Variants in BCL2L12 observed in about 807,000 individuals in gnomAD.
BCL2L12 encodes the protein BCL2 like 12.
Under a neutral mutation model 25.7 loss-of-function variants are expected in BCL2L12, and 27 were observed. The ratio of observed to expected loss-of-function variants is 1.05; its 90% CI spans 0.78 to 1.45. The LOEUF (loss-of-function observed/expected upper bound fraction) is 1.45, where lower values mean the gene tolerates loss of function less well. BCL2L12 is among the 40% of genes most tolerant of loss of function. BCL2L12 has a pLI of 0.00. For synonymous variants in BCL2L12, 132 were observed against 145.6 expected, an observed-to-expected ratio of 0.91 and a Z score of 0.67; for missense variants, 302 against 329.8, an observed-to-expected ratio of 0.92 and a Z score of 0.65.
chr19:49,668,988 G>T (rs770474832), intron 4 of BCL2L12, 36 bp from the exon 5 acceptor site: 1 of 1,613,916 alleles, frequency 6.2e-7, no homozygotes, highest in East Asian at 2.2e-5. Context: ...GGATAGTCAG[G>T]GTTCTGCCCC....
chr19:49,665,299 G>A (rs2081628040), upstream of BCL2L12: 2 of 173,968 alleles, frequency 1.1e-5, no homozygotes, highest in South Asian at 2.5e-4. Flanking sequence ...TTCCAACACA[G>A]AACTTCCATT....
At chr19:49,668,725 A>C in intron 3 of BCL2L12, 126 bp from the exon 4 acceptor site, 4 of 990,546 alleles carry the variant, frequency 4.0e-6, no homozygotes, top group Non-Finnish European at 4.4e-6. Context: ...GTTTCCCAAA[A>C]TCAATACATA....
At chr19:49,665,713 C>A, upstream of BCL2L12, 1 of 1,409,032 alleles carries the variant, frequency 7.1e-7, no homozygotes, top group Non-Finnish European at 9.5e-7. Context: ...CTCGAGGCTG[C>A]GCACCCCCTT....
intron 6 of BCL2L12, among the ~76,000 whole-genome samples, chr19:49,673,486 C>T (rs8105720): frequency 0.037 from 5,574 of 152,162 alleles, 261 homozygotes; most frequent in Admixed American, 0.11. Context: ...TGACCCTCCT[C>T]GAGCTCAACC....
chr19:49,670,231 G>GCCCTGC lies in BCL2L12; in HGVS notation c.446_451dup (p.Leu150_Arg151insProLeu), dbSNP rs1555765459. On this transcript the variant is annotated inframe_insertion, in exon 6 of 7. Transcript: ENST00000246784. The stretch of plus-strand genomic sequence containing the variant: ...CACCCTACAGCTGGCCTCGGACCCC[G>GCCCTGC]CCCTGCGCAGCAAGCTGGTCCGCCT... The GCCCTGC allele has an allele frequency of 6.2e-7, 1 of 1,606,690 alleles. No individual in the cohort carries two copies. Among genetic ancestry groups the GCCCTGC allele is most frequent in the African/African-American group, 1.3e-5 (1 of 74,822 alleles).
intron 5 of BCL2L12, 49 bp from the exon 6 acceptor site, chr19:49,670,167 T>C (rs1568478313): frequency 6.3e-7 from 1 of 1,577,646 alleles, no homozygotes; most frequent in Non-Finnish European, 8.5e-7. Flanking sequence ...CTCTATTGGC[T>C]GGCCCCGGGG....
chr19:49,670,352 C>A lies in BCL2L12; in HGVS notation c.566C>A (p.Ser189Tyr). 6.3e-7 allele frequency: 1 copy of A among 1,594,474 alleles called. No individual in the cohort carries two copies. Among genetic ancestry groups the A allele is most frequent in the Non-Finnish European group, 8.5e-7 (1 of 1,172,176 alleles). Residue 189 changes from serine to tyrosine, a missense_variant, in exon 6 of 7, where the codon TCC (serine) becomes TAC (tyrosine). Coordinates refer to ENST00000246784, the MANE Select transcript of BCL2L12 (RefSeq NM_138639.2). ...SRACPGPPPP[S>Y]PEPLARLALA... The stretch of plus-strand genomic sequence containing the variant: ...GCATGCCCCGGGCCCCCGCCTCCTT[C>A]CCCGGAGCCCCTGGCCCGCCTGGCC...
chr19:49,670,161 A>G (rs1450001298), intron 5 of BCL2L12, 55 bp from the exon 6 acceptor site: 10 of 1,574,212 alleles, frequency 6.4e-6, no homozygotes, highest in Middle Eastern at 1.7e-4. Context: ...CCGGCCCTCT[A>G]TTGGCTGGCC....
upstream of BCL2L12, chr19:49,665,916 T>G (rs2081719791): frequency 1.2e-6 from 2 of 1,613,696 alleles, no homozygotes; most frequent in South Asian, 1.1e-5. Context: ...AAATTGAGCG[T>G]GCACCCAGCG....
intron 6 of BCL2L12, 100 bp downstream of exon 6, chr19:49,670,588 A>G: frequency 6.9e-7 from 1 of 1,442,928 alleles, no homozygotes; most frequent in Non-Finnish European, 9.2e-7. Context: ...GACCTCAGGT[A>G]TTCTCCCAGC....
Position 49,672,365 on chromosome 19 carries a change from C to T in BCL2L12, c.703-1333C>T, listed in dbSNP as rs578014238. 1.6e-3 allele frequency among the ~76,000 whole-genome samples: 246 copies of T among 152,204 alleles called. No homozygotes were observed. The highest frequency in any genetic ancestry group is 5.6e-3 in the African/African-American group (232 of 41,516). On this transcript the variant is annotated intron_variant, in intron 6 of 6. Coordinates refer to ENST00000246784, the MANE Select transcript of BCL2L12 (RefSeq NM_138639.2). The surrounding 1 kb of genome is among the most constrained non-coding windows in gnomAD (Gnocchi z 4.1). ...GCCAGTAGGGCTACAGTAGGGTGAG[C>T]GGGCGACAGATGAGAGGAGGAGAGG...
intron 5 of BCL2L12, among the ~76,000 whole-genome samples, chr19:49,669,821 C>T (rs964346701): frequency 6.6e-6 from 1 of 152,036 alleles, no homozygotes. Flanking sequence ...TGGCTGTGTC[C>T]TGGAATCTGA....
chr19:49,667,214 C>T (rs1165260668), intron 3 of BCL2L12, 53 bp downstream of exon 3: 17 of 1,592,900 alleles, frequency 1.1e-5, no homozygotes, highest in Non-Finnish European at 1.5e-5. Flanking sequence ...GGATAAGGTG[C>T]TAGTTTAAGA....
At chr19:49,671,760 A>G (rs1220780988) in intron 6 of BCL2L12, among the ~76,000 whole-genome samples, 1 of 152,192 alleles carries the variant, frequency 6.6e-6, no homozygotes, top group African/African-American at 2.4e-5. Context: ...TGGTGAGGTT[A>G]TATGGCTACC....
intron 3 of BCL2L12, among the ~76,000 whole-genome samples, chr19:49,667,384 C>A (rs1218069207): frequency 6.6e-6 from 1 of 152,184 alleles, no homozygotes; most frequent in Admixed American, 6.5e-5. Context: ...CCTTCCATAA[C>A]TACTTCCCTG....
chr19:49,670,867 T>C (rs2122863757), intron 6 of BCL2L12, among the ~76,000 whole-genome samples: 1 of 151,986 alleles, frequency 6.6e-6, no homozygotes, highest in Middle Eastern at 3.4e-3. Flanking sequence ...AAATTGAAAA[T>C]AACTAGCCAG....
chr19:49,667,223 G>C, intron 3 of BCL2L12, 62 bp downstream of exon 3: 1 of 1,584,704 alleles, frequency 6.3e-7, no homozygotes, highest in East Asian at 2.3e-5. Flanking sequence ...GCTAGTTTAA[G>C]ATCACTCAGC....
At position 49,667,008 on chromosome 19, in the gene BCL2L12, C is replaced by T. The variant is rs2081805949; in HGVS notation, c.108-11C>T. 1 of 1,612,922 alleles carries T rather than the reference C, an allele frequency of 6.2e-7. No homozygotes were observed. ...TCTGGTGGGGTCAGTCTCTGAAGTC[C>T]TCCTCTCCAGAAGCCCTGCCCAAGA... On this transcript the variant is annotated splice_polypyrimidine_tract_variant and intron_variant, in intron 2 of 6. Transcript: ENST00000246784.
chr19:49,669,123 G>A lies in BCL2L12; in HGVS notation c.429+8G>A. ...GAAGTCATTAACCAGAAGGTGATGG[G>A]CATCTGTCCCACTCCTTGGCAAGGA... On this transcript the variant is annotated splice_region_variant and intron_variant, in intron 5 of 6. Coordinates refer to ENST00000246784, the MANE Select transcript of BCL2L12 (RefSeq NM_138639.2). The A allele has an allele frequency of 6.2e-7, 1 of 1,613,466 alleles. No homozygotes were observed. The highest frequency in any genetic ancestry group is 8.5e-7 in the Non-Finnish European group (1 of 1,179,778).
Sources: allele counts gnomAD v4.1 joint callset (sites outside exome capture counted in the v4.1 genomes callset), GRCh38; gene constraint gnomAD v4.1.1; non-coding constraint Gnocchi (gnomAD v3.1); transcripts MANE v1.5; gene names NCBI Gene and HGNC (gene_info 2026-07-23, HGNC 2026-07-21).